DCC: variants seen among roughly 807,000 people sequenced by gnomAD.
The protein encoded by DCC is netrin receptor DCC.
In DCC, 58 loss-of-function variants were observed where a neutral mutation model predicts 172.5. That is an observed-to-expected ratio of 0.34 (90% confidence interval 0.27 to 0.42). The LOEUF is 0.42. Ranked by LOEUF, DCC falls within the 10% of genes least tolerant of loss-of-function variation. The pLI is 1.00. For synonymous variants in DCC, 709 were observed against 644.5 expected (o/e 1.10, Z -1.52); for missense variants, 1,740 against 1,791.0 (o/e 0.97, Z 0.51).
intron 9 of DCC, among the ~76,000 whole-genome samples, chr18:53,189,307 A>G (rs2055332944): frequency 6.6e-6 from 1 of 152,090 alleles, no homozygotes; most frequent in Admixed American, 6.6e-5. Flanking sequence ...GAAGAAAAAC[A>G]TTTTAGGGAT....
intron 2 of DCC, among the ~76,000 whole-genome samples, chr18:52,885,959 G>T: frequency 6.6e-6 from 1 of 151,806 alleles, no homozygotes; most frequent in East Asian, 2.0e-4. Flanking sequence ...TTTTGAGATA[G>T]GCCCCAGAAT....
At chr18:52,777,042 T>C (rs766291304) in intron 2 of DCC, among the ~76,000 whole-genome samples, 17 of 151,224 alleles carry the variant, frequency 1.1e-4, no homozygotes, top group Non-Finnish European at 2.5e-4. Flanking sequence ...TTTTCCATTA[T>C]GGGATTTTTT....
At position 52,866,774 on chromosome 18, in the gene DCC, G is replaced by A. The variant is rs548736890; in HGVS notation, c.413-39270G>A. Among the ~76,000 whole-genome samples the A allele has an allele frequency of 8.5e-5, 13 of 152,288 alleles. No homozygotes were observed. The East Asian group carries it at 2.5e-3, about 29-fold the overall frequency. On this transcript the variant is annotated intron_variant, in intron 2 of 28. Transcript: ENST00000442544. ...CTGAAGTTGCTTATCAGCTTAAGGA[G>A]ATTTTGGGCTGAGACTATGGGGTTT...
At chr18:52,357,917 G>A (rs8089063) in intron 1 of DCC, among the ~76,000 whole-genome samples, 16,087 of 143,950 alleles carry the variant, frequency 0.11, 1,311 homozygotes, top group African/African-American at 0.24. Context: ...CAGCCTGGGC[G>A]ACAGAGCGAG....
chr18:52,896,434 A>G (rs2039730644), intron 2 of DCC, among the ~76,000 whole-genome samples: 1 of 152,194 alleles, frequency 6.6e-6, no homozygotes. Context: ...CTAAGATGAA[A>G]GATAGTTGCC....
intron 21 of DCC, among the ~76,000 whole-genome samples, chr18:53,429,963 G>A (rs1167124561): frequency 6.6e-6 from 1 of 152,066 alleles, no homozygotes; most frequent in Non-Finnish European, 1.5e-5. Flanking sequence ...GATGCCCGAT[G>A]CCTTTGTTTA....
chr18:52,938,917 C>G (rs559237827), intron 5 of DCC, among the ~76,000 whole-genome samples: 5 of 152,062 alleles, frequency 3.3e-5, no homozygotes, highest in Non-Finnish European at 7.4e-5. Context: ...GTCCTAAAAC[C>G]TCCTAACTTG....
At chr18:52,921,339 T>A (rs545272508) in intron 3 of DCC, among the ~76,000 whole-genome samples, 3 of 152,110 alleles carry the variant, frequency 2.0e-5, no homozygotes, top group Admixed American at 1.3e-4. Context: ...AAATAAAAAA[T>A]TTTAAATAAA....
At chr18:53,171,466 C>G (rs775878860) in intron 8 of DCC, among the ~76,000 whole-genome samples, 14 of 152,056 alleles carry the variant, frequency 9.2e-5, no homozygotes, top group Admixed American at 7.9e-4. Flanking sequence ...TTTATTTATA[C>G]TTTATGTAAG....
intron 7 of DCC, among the ~76,000 whole-genome samples, chr18:53,135,100 A>AT (rs1258755880): frequency 4.6e-5 from 7 of 152,020 alleles, no homozygotes; most frequent in Non-Finnish European, 8.8e-5. Flanking sequence ...TTTGTAATGG[A>AT]TTTTCCAAGT....
chr18:53,304,502 A>AT (rs1420286428), intron 12 of DCC, among the ~76,000 whole-genome samples: 1 of 152,060 alleles, frequency 6.6e-6, no homozygotes, highest in Non-Finnish European at 1.5e-5. Flanking sequence ...CATATCTTTG[A>AT]TTTACTTACT....
chr18:53,374,420 T>C (rs186732869), intron 15 of DCC, among the ~76,000 whole-genome samples: 2 of 152,296 alleles, frequency 1.3e-5, no homozygotes, highest in East Asian at 3.9e-4. Context: ...TACACACATA[T>C]ATGCATGAAA....
chr18:52,340,715 T>C lies in DCC; in HGVS notation c.-73T>C. ...CGGCGCGTGTGTGTGCATGTGTGCA[T>C]GCGTGTGTGAGTGCATGTGTGTGAG... On this transcript the variant is annotated 5_prime_UTR_variant, in exon 1 of 29. An upstream start codon of the reference 5' UTR is lost. Transcript: ENST00000442544. 9.6e-7 allele frequency: 1 copy of C among 1,038,468 alleles called. No homozygotes were observed. Among genetic ancestry groups the C allele is most frequent in the Non-Finnish European group, 1.5e-6 (1 of 655,206 alleles). The allele number at this position is 1,038,468 out of a possible 1,614,324, so 64.3% of individuals were successfully genotyped here.
chr18:53,531,825 A>T lies in DCC; in HGVS notation c.*1172A>T, dbSNP rs1464297779. The T allele has an allele frequency of 1.3e-5, 2 of 152,196 alleles. No homozygotes were observed. Among genetic ancestry groups the T allele is most frequent in the East Asian group, 3.9e-4 (2 of 5,170 alleles). The allele number at this position is 152,196 out of a possible 1,614,324, so 9.4% of individuals were successfully genotyped here. A position where few individuals can be genotyped will look rare whatever the true frequency, so the allele number is the denominator to read the frequency against. The stretch of plus-strand genomic sequence containing the variant: ...TTGTTAAGGGAAACTTTTACACTAC[A>T]CCTGTGTCAGAGTCAGGGGGAAGCA... On this transcript the variant is annotated 3_prime_UTR_variant, in exon 29 of 29. Transcript: ENST00000442544.
At chr18:52,959,408 G>T (rs923755166) in intron 5 of DCC, among the ~76,000 whole-genome samples, 2 of 152,062 alleles carry the variant, frequency 1.3e-5, no homozygotes, top group Admixed American at 6.6e-5. Flanking sequence ...TCTTGGATGA[G>T]TTATTGAACC....
chr18:52,518,077 C>T (rs2144660800), intron 1 of DCC, among the ~76,000 whole-genome samples: 2 of 152,188 alleles, frequency 1.3e-5, no homozygotes, highest in South Asian at 4.2e-4. Context: ...AACTGTGGTA[C>T]TAATTTCCCT....
chr18:52,941,245 G>T (rs999029258), intron 5 of DCC: 1 of 152,002 alleles, frequency 6.6e-6, no homozygotes, highest in African/African-American at 2.4e-5. Flanking sequence ...TTCCCTTCTA[G>T]AGGGTTCATG....
chr18:52,937,478 A>T (rs2040397773), intron 5 of DCC, among the ~76,000 whole-genome samples: 1 of 152,096 alleles, frequency 6.6e-6, no homozygotes, highest in Admixed American at 6.6e-5. Flanking sequence ...TATGCTTATC[A>T]GTTATCTCCC....
At chr18:52,469,027 T>TTTTA (rs1468331100) in intron 1 of DCC, among the ~76,000 whole-genome samples, 7 of 127,094 alleles carry the variant, frequency 5.5e-5, no homozygotes, top group South Asian at 2.7e-4. Context: ...GGAAAACAAT[T>TTTTA]TTGATTTATT....
Sources: gnomAD v4.1 joint callset for allele counts (sites outside exome capture counted in the v4.1 genomes callset) on GRCh38, gnomAD v4.1.1 for gene constraint, MANE v1.5 for transcripts, NCBI Gene and HGNC (gene_info 2026-07-23, HGNC 2026-07-21) for gene names.